NAV3: variants seen among roughly 807,000 people sequenced by gnomAD.
NAV3 encodes pore membrane and/or filament interacting like protein 1.
Under a neutral mutation model 244.7 loss-of-function variants are expected in NAV3, and 87 were observed. That is an observed-to-expected ratio of 0.36 (90% confidence interval 0.30 to 0.42). NAV3 has a LOEUF of 0.42. Among genes scored for constraint, NAV3 ranks in the 20% least tolerant of loss-of-function variants. NAV3 has a pLI of 1.00. For missense variants in NAV3, 2,663 were observed against 2,893.3 expected (o/e 0.92, Z 1.83); for synonymous variants, 1,126 against 1,042.2 (o/e 1.08, Z -1.55).
chr12:77,707,238 G>C (rs970125137), intron 2 of NAV3, among the ~76,000 whole-genome samples: 10 of 127,606 alleles, frequency 7.8e-5, no homozygotes. Context: ...GCCCTGGTGT[G>C]TGATGTTCCC....
chr12:77,640,642 T>G (rs919969040), intron 2 of NAV3, among the ~76,000 whole-genome samples: 5 of 152,148 alleles, frequency 3.3e-5, no homozygotes, highest in African/African-American at 1.2e-4. Flanking sequence ...CATGAATACA[T>G]AAGTTAATAA....
chr12:78,116,760 T>C lies in NAV3; in HGVS notation c.2637-12T>C, dbSNP rs374982013. The C allele has an allele frequency of 4.4e-5, 69 of 1,576,654 alleles. 1 individual carries two copies. Among genetic ancestry groups the C allele is most frequent in the East Asian group, 3.2e-4 (14 of 43,922 alleles). ...GTGTTTGATTCACTGCTCTTGCATG[T>C]CTTGCCTTTAGCTGGGATGACAGCA... On this transcript the variant is annotated splice_polypyrimidine_tract_variant and intron_variant, in intron 12 of 39. Coordinates refer to ENST00000397909, the MANE Select transcript of NAV3 (RefSeq NM_001024383.2).
At chr12:78,166,510 A>T (rs1047543779) in intron 23 of NAV3, among the ~76,000 whole-genome samples, 6 of 151,674 alleles carry the variant, frequency 4.0e-5, no homozygotes, top group African/African-American at 1.4e-4. Flanking sequence ...GGTTGAACTA[A>T]TTTTTTTCAT....
chr12:77,848,420 C>G (rs1027415036), intron 1 of NAV3, among the ~76,000 whole-genome samples: 2 of 152,196 alleles, frequency 1.3e-5, no homozygotes, highest in African/African-American at 4.8e-5. Context: ...TTGCTACTAG[C>G]TGTAAAGCTA....
chr12:77,936,673 G>A (rs1889357688), intron 1 of NAV3, among the ~76,000 whole-genome samples: 1 of 152,042 alleles, frequency 6.6e-6, no homozygotes, highest in Non-Finnish European at 1.5e-5. Context: ...TATTATTTTT[G>A]TGATAATGAA....
rs748531378 is a variant in NAV3 at position 77,766,735 on chromosome 12, G to GTTTTTTTTTTT, written c.73-173558_73-173548dup. Among the ~76,000 whole-genome samples the GTTTTTTTTTTT allele has an allele frequency of 6.0e-4, 36 of 60,502 alleles. 3 individuals carry two copies. Among genetic ancestry groups the GTTTTTTTTTTT allele is most frequent in the African/African-American group, 1.3e-3 (21 of 15,828 alleles). 39.7% of individuals were successfully genotyped at this position (60,502 alleles called of 152,430 possible). A position where few individuals can be genotyped will look rare whatever the true frequency, so the allele number is the denominator to read the frequency against. On this transcript the variant is annotated intron_variant, in intron 2 of 8. Transcript: ENST00000550042. ...AGGATTCTAAAAAACAGGCAATTAAGTTTTTTTTTTTTTTTTTTTTTTTTT... is the reference window on the plus strand; with the variant it reads ...AGGATTCTAAAAAACAGGCAATTAAGTTTTTTTTTTTTTTTTTTTTTTTTTTTTTTTTTTTT...
At chr12:78,193,140 G>GA (rs35943019) in intron 34 of NAV3, among the ~76,000 whole-genome samples, 12 of 152,190 alleles carry the variant, frequency 7.9e-5, no homozygotes, top group Non-Finnish European at 1.3e-4. Flanking sequence ...TACTGATTCA[G>GA]AAAAAAAGAA....
At chr12:77,810,085 G>A (rs1319977259) in intron 2 of NAV3, among the ~76,000 whole-genome samples, 1 of 152,120 alleles carries the variant, frequency 6.6e-6, no homozygotes, top group East Asian at 1.9e-4. Flanking sequence ...AATTCTATGG[G>A]TAGATTTCTA....
At chr12:77,867,209 T>G (rs988254519) in intron 1 of NAV3, among the ~76,000 whole-genome samples, 1 of 152,170 alleles carries the variant, frequency 6.6e-6, no homozygotes, top group African/African-American at 2.4e-5. Context: ...TTCTTGTGGT[T>G]GTTAATAAGT....
intron 2 of NAV3, among the ~76,000 whole-genome samples, chr12:77,588,986 A>AAG (rs1426223649): frequency 6.6e-6 from 1 of 152,162 alleles, no homozygotes; most frequent in African/African-American, 2.4e-5. Context: ...AATGAGTACT[A>AAG]AGAGTCCTGT....
intron 2 of NAV3, among the ~76,000 whole-genome samples, chr12:77,779,137 C>A (rs372558661): frequency 6.6e-6 from 1 of 152,152 alleles, no homozygotes; most frequent in Non-Finnish European, 1.5e-5. Flanking sequence ...TTTCTTGTTT[C>A]CGCTACAAAT....
intron 18 of NAV3, among the ~76,000 whole-genome samples, chr12:78,131,828 C>T (rs950486699): frequency 6.6e-6 from 1 of 152,120 alleles, no homozygotes; most frequent in Non-Finnish European, 1.5e-5. Context: ...TTGACAGATT[C>T]TGCCAAATCA....
chr12:78,190,634 G>A (rs142182169), intron 34 of NAV3, among the ~76,000 whole-genome samples: 88 of 152,136 alleles, frequency 5.8e-4, no homozygotes, highest in African/African-American at 2.1e-3. Context: ...AATAACATGG[G>A]TTTTGCAGGA....
intron 12 of NAV3, among the ~76,000 whole-genome samples, chr12:78,063,037 C>G (rs933430361): frequency 6.6e-6 from 1 of 152,098 alleles, no homozygotes; most frequent in African/African-American, 2.4e-5. Flanking sequence ...ATAGTGAAGG[C>G]TATAGTTTCC....
At chr12:78,193,963 A>T (rs1959093130) in intron 34 of NAV3, among the ~76,000 whole-genome samples, 1 of 151,702 alleles carries the variant, frequency 6.6e-6, no homozygotes, top group Admixed American at 6.6e-5. Context: ...CTCCCTGGTA[A>T]ATTGCTTTTC....
At chr12:77,899,235 C>G (rs1434468353) in intron 1 of NAV3, among the ~76,000 whole-genome samples, 1 of 152,184 alleles carries the variant, frequency 6.6e-6, no homozygotes, top group Non-Finnish European at 1.5e-5. Flanking sequence ...AAAGCAGCAG[C>G]AGAGTTTGAA....
intron 16 of NAV3, among the ~76,000 whole-genome samples, chr12:78,124,950 T>C (rs1290552787): frequency 6.6e-6 from 1 of 152,212 alleles, no homozygotes; most frequent in Non-Finnish European, 1.5e-5. Flanking sequence ...TAATATTAAT[T>C]AGTGCCTTCC....
chr12:78,200,785 A>G (rs1185029504), intron 38 of NAV3, among the ~76,000 whole-genome samples, 194 bp downstream of exon 38: 1 of 152,042 alleles, frequency 6.6e-6, no homozygotes, highest in Non-Finnish European at 1.5e-5. Context: ...TTTGTAAGAG[A>G]AAGAAAAGGC....
At position 78,007,168 on chromosome 12, in the gene NAV3, G is replaced by A. The variant is rs2136589666; in HGVS notation, c.1630G>A (p.Gly544Ser). Residue 544 changes from glycine to serine, a missense_variant, in exon 8 of 40, where the codon GGC becomes AGC. By Grantham distance (56) the Gly-to-Ser change is moderately conservative (BLOSUM62 0). This residue lies in a region of NAV3 where 1,521 missense variants were observed against 1,497.0 expected (regional missense o/e 1.02). Coordinates refer to ENST00000397909, the MANE Select transcript of NAV3 (RefSeq NM_001024383.2). ...AACAGTAAAGCAAACCATTTCACCT[G>A]GCAGCACAGCAAGCAAAGAGTCTGA... is the stretch of plus-strand genomic sequence containing the variant. ...VPTVKQTISPGSTASKESEKF... is the reference protein window; with the variant it reads ...VPTVKQTISPSSTASKESEKF... 11 of 1,614,142 alleles carry A rather than the reference G, an allele frequency of 6.8e-6. No individual in the cohort carries two copies. The highest frequency in any genetic ancestry group is 1.1e-5 in the South Asian group (1 of 91,090).
Sources: gnomAD v4.1 joint callset for allele counts (sites outside exome capture counted in the v4.1 genomes callset) on GRCh38, gnomAD v4.1.1 for gene constraint, gnomAD v4.1.1 regional missense constraint, MANE v1.5 for transcripts, NCBI Gene and HGNC (gene_info 2026-07-23, HGNC 2026-07-21) for gene names.